Variants in LMX1A observed in about 807,000 individuals in gnomAD.
LMX1A encodes the protein LIM homeobox transcription factor 1 alpha.
Under a neutral mutation model 49.1 loss-of-function variants are expected in LMX1A, and 15 were observed. The observed-to-expected ratio is 0.31, with a 90% CI of 0.20 to 0.47. The LOEUF (loss-of-function observed/expected upper bound fraction) is 0.47, where lower values mean the gene tolerates loss of function less well. Among genes scored for constraint, LMX1A ranks in the 20% least tolerant of loss-of-function variants. LMX1A has a pLI of 1.00. For synonymous variants in LMX1A, 167 were observed against 185.7 expected (o/e 0.90, Z 0.82); for missense variants, 372 against 475.8 (o/e 0.78, Z 2.03).
At chr1:165,323,803 A>AG (rs1362360718) in intron 3 of LMX1A, among the ~76,000 whole-genome samples, 1 of 148,284 alleles carries the variant, frequency 6.7e-6, no homozygotes, top group Non-Finnish European at 1.5e-5. Flanking sequence ...TGTTCTCAAT[A>AG]CTTTCACATC....
intron 3 of LMX1A, among the ~76,000 whole-genome samples, chr1:165,295,525 A>G (rs1654591889): frequency 6.6e-6 from 1 of 151,072 alleles, no homozygotes; most frequent in South Asian, 2.1e-4. Flanking sequence ...AAACTTGAAG[A>G]TTCATTTTTT....
chr1:165,274,718 C>T (rs1054962107), intron 3 of LMX1A, among the ~76,000 whole-genome samples: 5 of 152,152 alleles, frequency 3.3e-5, no homozygotes, highest in Non-Finnish European at 7.3e-5. Context: ...TTTATGGCAT[C>T]GTTGCCATGG....
At chr1:165,283,745 G>A (rs752751025) in intron 3 of LMX1A, among the ~76,000 whole-genome samples, 11 of 152,182 alleles carry the variant, frequency 7.2e-5, no homozygotes, top group Non-Finnish European at 1.3e-4. Context: ...AGCCTGGCAC[G>A]TAGCAGGTTC....
chr1:165,282,999 C>G (rs1213924063), intron 3 of LMX1A, among the ~76,000 whole-genome samples: 1 of 152,216 alleles, frequency 6.6e-6, no homozygotes, highest in Non-Finnish European at 1.5e-5. Context: ...CCACTGTCTC[C>G]AACCCCAAGT....
chr1:165,295,407 A>T (rs1458372691), intron 3 of LMX1A, among the ~76,000 whole-genome samples: 1 of 148,680 alleles, frequency 6.7e-6, no homozygotes, highest in Non-Finnish European at 1.5e-5. Flanking sequence ...TAGCCCTATT[A>T]TAATCAGATA....
At chr1:165,241,503 C>T (rs913399942) in intron 4 of LMX1A, among the ~76,000 whole-genome samples, 3 of 152,140 alleles carry the variant, frequency 2.0e-5, no homozygotes, top group Non-Finnish European at 1.5e-5. Flanking sequence ...AAATAGAGTC[C>T]TGGAGAGGAG....
chr1:165,342,339 C>A (rs890341328), intron 3 of LMX1A, among the ~76,000 whole-genome samples: 2 of 152,164 alleles, frequency 1.3e-5, no homozygotes, highest in Non-Finnish European at 2.9e-5. Context: ...CAGCTGCTGG[C>A]TGGTCCCGAT....
intron 3 of LMX1A, among the ~76,000 whole-genome samples, chr1:165,300,787 G>A (rs1320123730): frequency 6.6e-6 from 1 of 152,172 alleles, no homozygotes; most frequent in African/African-American, 2.4e-5. Context: ...ATATAATATT[G>A]TAGAAATGCC....
intron 3 of LMX1A, among the ~76,000 whole-genome samples, chr1:165,312,767 A>G (rs899388292): frequency 2.0e-5 from 3 of 152,254 alleles, no homozygotes; most frequent in East Asian, 3.8e-4. Flanking sequence ...CCTGCAGCAG[A>G]CACTGTACCA....
intron 3 of LMX1A, among the ~76,000 whole-genome samples, chr1:165,299,856 C>G (rs1008710225): frequency 1.3e-5 from 2 of 151,538 alleles, no homozygotes; most frequent in Admixed American, 6.6e-5. Flanking sequence ...GTTAGTTCTT[C>G]CTGACCCCTT....
rs188178445 is a variant in LMX1A at position 165,334,971 on chromosome 1, C to T, written c.263+18105G>A. On this transcript the variant is annotated intron_variant, in intron 3 of 8. Coordinates refer to ENST00000342310, the MANE Select transcript of LMX1A (RefSeq NM_177398.4). ...TAGAGTATTCCCTGATGCAGTAATT[C>T]TTCCCGCAAGTCCTGAATGTTTTTT... 2.0e-5 allele frequency among the ~76,000 whole-genome samples: 3 copies of T among 152,322 alleles called. No individual in the cohort carries two copies. In the East Asian group the frequency reaches 5.8e-4, roughly 29 times the overall value.
chr1:165,329,331 A>G (rs1655673629), intron 3 of LMX1A, among the ~76,000 whole-genome samples: 1 of 152,118 alleles, frequency 6.6e-6, no homozygotes. Context: ...ACAATTCAAG[A>G]TGAGACTTGG....
At chr1:165,213,555 C>G (rs1032772790) in intron 5 of LMX1A, 86 bp downstream of exon 5, 2 of 1,274,914 alleles carry the variant, frequency 1.6e-6, no homozygotes, top group Non-Finnish European at 2.2e-6. Flanking sequence ...ACTGTGACCC[C>G]CAATGCCCAC....
chr1:165,253,847 G>A (rs1032207048), intron 3 of LMX1A, among the ~76,000 whole-genome samples: 5 of 152,052 alleles, frequency 3.3e-5, no homozygotes, highest in Admixed American at 1.3e-4. Context: ...CTGTCCTCTC[G>A]CCCAGTGTGG....
chr1:165,204,072 TC>T (rs757756026), intron 8 of LMX1A, 32 bp from the exon 9 acceptor site: 9 of 1,610,338 alleles, frequency 5.6e-6, no homozygotes, highest in East Asian at 4.5e-5. Flanking sequence ...GGCATGAGGG[TC>T]TTGAAGAAGT....
chr1:165,225,756 A>T (rs1652012076), intron 4 of LMX1A, among the ~76,000 whole-genome samples: 1 of 152,172 alleles, frequency 6.6e-6, no homozygotes, highest in Admixed American at 6.5e-5. Context: ...CCCATTTCCC[A>T]GGTGATGCTG....
chr1:165,321,565 A>C (rs528691584), intron 3 of LMX1A, among the ~76,000 whole-genome samples: 1 of 152,194 alleles, frequency 6.6e-6, no homozygotes, highest in Non-Finnish European at 1.5e-5. Context: ...AATAATTTCT[A>C]CGGTCAAGAA....
intron 3 of LMX1A, among the ~76,000 whole-genome samples, chr1:165,285,420 T>C (rs1369968555): frequency 1.3e-5 from 2 of 152,206 alleles, no homozygotes; most frequent in Non-Finnish European, 2.9e-5. Context: ...ACCCACAAAA[T>C]CAGAGCCCAT....
intron 3 of LMX1A, among the ~76,000 whole-genome samples, chr1:165,336,085 T>G (rs1271865822): frequency 6.6e-6 from 1 of 152,188 alleles, no homozygotes; most frequent in Non-Finnish European, 1.5e-5. Flanking sequence ...ATACATATGT[T>G]TAATCCCTAA....
Sources: allele counts gnomAD v4.1 joint callset (sites outside exome capture counted in the v4.1 genomes callset), GRCh38; gene constraint gnomAD v4.1.1; transcripts MANE v1.5; gene names NCBI Gene and HGNC (gene_info 2026-07-23, HGNC 2026-07-21).